TACC2: variants seen among roughly 807,000 people sequenced by gnomAD.
TACC2 encodes transforming acidic coiled-coil-containing protein 2.
In TACC2, 137 loss-of-function variants were observed where a neutral mutation model predicts 227.3. The observed-to-expected ratio is 0.60, with a 90% CI of 0.52 to 0.69. TACC2 has a LOEUF of 0.69. Ranked by LOEUF, TACC2 falls within the 30% of genes least tolerant of loss-of-function variation. The probability of loss-of-function intolerance (pLI) is 0.00; values close to 1 mark genes in which losing one functional copy is unlikely to be tolerated. For synonymous variants in TACC2, 1,523 were observed against 1,487.5 expected, an observed-to-expected ratio of 1.02 and a Z score of -0.55; for missense variants, 3,470 against 3,694.4, an observed-to-expected ratio of 0.94 and a Z score of 1.57.
In TACC2 at chr10:122,089,361, C is replaced by A. The variant is rs539293457; in HGVS notation, c.5573+770C>A. Among the ~76,000 whole-genome samples the A allele has an allele frequency of 1.4e-4, 22 of 152,288 alleles. No individual in the cohort carries two copies. In the South Asian group the frequency reaches 3.9e-3, roughly 27 times the overall value. On this transcript the variant is annotated intron_variant, in intron 5 of 22. Coordinates refer to ENST00000369005, the MANE Select transcript of TACC2 (RefSeq NM_206862.4). ...CATCTTGATGCAAATGGGTTCAATG[C>A]TGATTTAGTCTCCGAAGCAGGAATG...
chr10:122,239,880 C>T (rs770672478), intron 18 of TACC2, among the ~76,000 whole-genome samples: 1 of 152,198 alleles, frequency 6.6e-6, no homozygotes, highest in African/African-American at 2.4e-5. Context: ...CCAGCCACTC[C>T]GGGGCATCTT....
intron 10 of TACC2, among the ~76,000 whole-genome samples, 155 bp from the exon 11 acceptor site, chr10:122,216,472 T>A (rs2095409600): frequency 6.6e-6 from 1 of 152,078 alleles, no homozygotes; most frequent in African/African-American, 2.4e-5. Flanking sequence ...TCCATCTGTT[T>A]CCTTAATGGA....
intron 7 of TACC2, among the ~76,000 whole-genome samples, chr10:122,181,842 C>G (rs1203670386): frequency 2.6e-5 from 4 of 152,118 alleles, no homozygotes; most frequent in Non-Finnish European, 5.9e-5. Context: ...ATACTTATTC[C>G]CTACAATTAG....
At position 122,180,315 on chromosome 10, in the gene TACC2, C is replaced by T. The variant is rs1422585993; in HGVS notation, c.5835-14725C>T. On this transcript the variant is annotated intron_variant, in intron 7 of 22. Coordinates refer to ENST00000369005, the MANE Select transcript of TACC2 (RefSeq NM_206862.4). This position sits in a 1 kb window ranked among gnomAD's most constrained non-coding sequence, Gnocchi z 4.5. ...GCTCTTCATCTTTTTGTTCTCCCTG[C>T]CTGAAACTTTCTTCCCCCCAGTTCT... Among the ~76,000 whole-genome samples, 2 of 151,832 alleles carry T rather than the reference C, an allele frequency of 1.3e-5. No individual in the cohort carries two copies. The highest frequency in any genetic ancestry group is 4.8e-5 in the African/African-American group (2 of 41,366).
At chr10:122,155,204 G>A (rs968898659) in intron 7 of TACC2, among the ~76,000 whole-genome samples, 1 of 152,224 alleles carries the variant, frequency 6.6e-6, no homozygotes, top group Admixed American at 6.5e-5. Flanking sequence ...CCACAGAGGC[G>A]CAGATCCGCC....
chr10:122,176,117 C>CTCTCTATATA (rs1447382017), intron 7 of TACC2, among the ~76,000 whole-genome samples: 89 of 54,626 alleles, frequency 1.6e-3, no homozygotes, highest in Non-Finnish European at 2.6e-3. Flanking sequence ...CTCTCTCTCT[C>CTCTCTATATA]TATATATATA....
At chr10:122,222,375 C>T (rs1466535251) in intron 11 of TACC2, among the ~76,000 whole-genome samples, 1 of 152,116 alleles carries the variant, frequency 6.6e-6, no homozygotes, top group Non-Finnish European at 1.5e-5. Context: ...AATCAGGATC[C>T]CAAATGACCG....
intron 1 of TACC2, among the ~76,000 whole-genome samples, chr10:121,992,606 C>T (rs550029936): frequency 6.6e-6 from 1 of 152,216 alleles, no homozygotes; most frequent in South Asian, 2.1e-4. Context: ...CTTTTTCTGC[C>T]TGATGAAATG....
chr10:122,122,517 C>T (rs1481091821), intron 5 of TACC2, among the ~76,000 whole-genome samples: 2 of 144,692 alleles, frequency 1.4e-5, no homozygotes, highest in Admixed American at 1.4e-4. Context: ...TAGCTGAAGG[C>T]TAAATCTTTA....
At position 122,205,451 on chromosome 10, in the gene TACC2, C is replaced by T. The variant is rs2095068964; in HGVS notation, c.5972-4946C>T. ...ACTTCTGCAGCACTGATGCCTCACG[C>T]CTCTGGGGTAAAAACCCCACAGGAA... On this transcript the variant is annotated intron_variant, in intron 8 of 22. Coordinates refer to ENST00000369005, the MANE Select transcript of TACC2 (RefSeq NM_206862.4). This position sits in a 1 kb window ranked among gnomAD's most constrained non-coding sequence, Gnocchi z 4.5. 6.6e-6 allele frequency among the ~76,000 whole-genome samples: 1 copy of T among 152,194 alleles called. No individual in the cohort carries two copies. The highest frequency in any genetic ancestry group is 6.5e-5 in the Admixed American group (1 of 15,286).
chr10:122,014,468 C>G (rs138317051), intron 1 of TACC2, among the ~76,000 whole-genome samples: 1 of 152,162 alleles, frequency 6.6e-6, no homozygotes, highest in South Asian at 2.1e-4. Flanking sequence ...GCCTCAGCCT[C>G]CTAAAGGGCT....
chr10:122,220,712 T>C (rs1271590017), intron 11 of TACC2, among the ~76,000 whole-genome samples: 2 of 152,244 alleles, frequency 1.3e-5, no homozygotes, highest in Non-Finnish European at 2.9e-5. Context: ...TAAATACATA[T>C]TCACTATCAT....
At position 122,085,527 on chromosome 10, in the gene TACC2, A is replaced by C. The variant is rs1364273844; in HGVS notation, c.3027A>C (p.Glu1009Asp). The change falls in exon 4 of 23, where the codon GAA becomes GAC. Residue 1009 changes from glutamate to aspartate, a missense_variant. Transcript: ENST00000369005. ...DALEEGSQHE[E>D]ACQRHPGASE... is the part of the protein sequence containing the mutation. ...TGGAAGAAGGCAGCCAGCATGAAGA[A>C]GCATGTCAAAGGCATCCAGGAGCTT... 6.2e-7 allele frequency: 1 copy of C among 1,613,318 alleles called. No homozygotes were observed.
At chr10:122,107,892 TTTTTTC>T (rs1414157718) in intron 5 of TACC2, among the ~76,000 whole-genome samples, 7 of 39,666 alleles carry the variant, frequency 1.8e-4, no homozygotes, top group Non-Finnish European at 3.8e-4. Flanking sequence ...TTTTTTTTTC[TTTTTTC>T]TTTTTTTTTT....
At chr10:122,001,118 T>TG (rs1954265894) in intron 1 of TACC2, among the ~76,000 whole-genome samples, 1 of 152,260 alleles carries the variant, frequency 6.6e-6, no homozygotes, top group Non-Finnish European at 1.5e-5. Flanking sequence ...CCACTGCTCC[T>TG]GGCCCTGTTG....
intron 5 of TACC2, among the ~76,000 whole-genome samples, chr10:122,102,357 G>C (rs886883660): frequency 6.6e-6 from 1 of 152,176 alleles, no homozygotes; most frequent in Admixed American, 6.5e-5. Flanking sequence ...AACCAACTCG[G>C]CTCTCAGATG....
At position 122,087,899 on chromosome 10, in the gene TACC2, C is replaced by T. The variant is rs1332267749; in HGVS notation, c.5399C>T (p.Pro1800Leu). 15 of 1,513,416 alleles carry T rather than the reference C, an allele frequency of 9.9e-6. No individual in the cohort carries two copies. Among genetic ancestry groups the T allele is most frequent in the Non-Finnish European group, 1.1e-5 (13 of 1,131,328 alleles). The allele number at this position is 1,513,416 out of a possible 1,614,324, so 93.7% of individuals were successfully genotyped here. ...GKVCVSSPPE[P>L]DETHDPKLQH... ...GTGTGCGTCTCCTCACCTCCAGAGCCTGACGAAACTCACGACCCGAAGCTG... is the reference window on the plus strand; with the variant it reads ...GTGTGCGTCTCCTCACCTCCAGAGCTTGACGAAACTCACGACCCGAAGCTG... Residue 1800 changes from proline to leucine, a missense_variant, in exon 4 of 23, where the codon CCT becomes CTT. Pro to Leu is a moderately conservative substitution (Grantham distance 98, BLOSUM62 -3). Coordinates refer to ENST00000369005, the MANE Select transcript of TACC2 (RefSeq NM_206862.4).
intron 1 of TACC2, among the ~76,000 whole-genome samples, chr10:122,002,591 G>A (rs1026558199): frequency 2.6e-5 from 4 of 152,080 alleles, no homozygotes; most frequent in African/African-American, 4.8e-5. Context: ...AAACTCCCTC[G>A]TGAAATTATC....
chr10:122,021,065 A>C (rs1024898409), intron 1 of TACC2, among the ~76,000 whole-genome samples: 1 of 152,162 alleles, frequency 6.6e-6, no homozygotes, highest in Admixed American at 6.6e-5. Context: ...CCCCGTCTCT[A>C]CTAAAAATAC....
Sources: gnomAD v4.1 joint callset for allele counts (sites outside exome capture counted in the v4.1 genomes callset) on GRCh38, gnomAD v4.1.1 for gene constraint, Gnocchi (gnomAD v3.1) non-coding constraint, MANE v1.5 for transcripts, NCBI Gene and HGNC (gene_info 2026-07-23, HGNC 2026-07-21) for gene names.